Variants in EPB41 observed in about 807,000 individuals in gnomAD.
EPB41 encodes the protein erythrocyte membrane protein band 4.1.
EPB41 carries 65 observed loss-of-function variants against 108.0 expected under a neutral mutation model. The observed-to-expected ratio is 0.60, with a 90% CI of 0.49 to 0.74. EPB41 has a LOEUF of 0.74. Among genes scored for constraint, EPB41 ranks in the 30% least tolerant of loss-of-function variants. The probability of loss-of-function intolerance (pLI) is 0.00; values close to 1 mark genes in which losing one functional copy is unlikely to be tolerated. For synonymous variants in EPB41, 336 were observed against 358.9 expected, an observed-to-expected ratio of 0.94 and a Z score of 0.72; for missense variants, 875 against 1,037.0, an observed-to-expected ratio of 0.84 and a Z score of 2.15.
intron 1 of EPB41, among the ~76,000 whole-genome samples, chr1:28,934,678 GTGTGTGTGT>G: frequency 6.6e-6 from 1 of 150,708 alleles, no homozygotes; most frequent in East Asian, 1.9e-4. Flanking sequence ...GTGTGTGTGT[GTGTGTGTGT>G]GTGTGTGTGT....
In EPB41 at chr1:29,112,835, GT is replaced by G. The variant is rs566192135; in HGVS notation, c.2496+389del. On this transcript the variant is annotated intron_variant, in intron 19 of 20. Coordinates refer to ENST00000343067, the MANE Select transcript of EPB41 (RefSeq NM_001376013.1). Reference sequence around the variant, plus strand: ...CAGCTGGTGGCACATGGTGAGCTCAGTTAAATGGAGCTATTGTTATTCCGAA... The same window carrying G: ...CAGCTGGTGGCACATGGTGAGCTCAGTAAATGGAGCTATTGTTATTCCGAA... Among the ~76,000 whole-genome samples, 14 of 152,280 alleles carry G rather than the reference GT, an allele frequency of 9.2e-5. No individual in the cohort carries two copies. The South Asian group carries it at 2.9e-3, about 32-fold the overall frequency.
At chr1:29,097,975 A>G in intron 17 of EPB41, 40 bp downstream of exon 17, 1 of 1,613,776 alleles carries the variant, frequency 6.2e-7, no homozygotes, top group South Asian at 1.1e-5. Context: ...AAGGCTGCAA[A>G]CAAAATTAAT....
intron 1 of EPB41, among the ~76,000 whole-genome samples, chr1:28,977,210 A>G (rs1471656444): frequency 7.2e-5 from 11 of 152,138 alleles, no homozygotes; most frequent in African/African-American, 2.2e-4. Flanking sequence ...CTAGAATTAA[A>G]TCATCAAACT....
intron 16 of EPB41, chr1:29,070,610 C>G: frequency 8.1e-7 from 1 of 1,232,044 alleles, no homozygotes; most frequent in Non-Finnish European, 1.0e-6. Context: ...GTTGGTCTTT[C>G]TGTGATCAGA....
chr1:29,113,562 C>G, intron 19 of EPB41, among the ~76,000 whole-genome samples: 1 of 152,226 alleles, frequency 6.6e-6, no homozygotes, highest in Non-Finnish European at 1.5e-5. Flanking sequence ...GCTACGTGCT[C>G]AGTCTGCACT....
intron 11 of EPB41, among the ~76,000 whole-genome samples, chr1:29,048,526 G>A (rs1036952450): frequency 1.3e-4 from 20 of 151,942 alleles, no homozygotes; most frequent in Admixed American, 5.3e-4. Flanking sequence ...TTTTCTTTAC[G>A]CTTTTATTGA....
chr1:29,006,165 A>G lies in EPB41; in HGVS notation c.787-5700A>G, dbSNP rs1408505566. Among the ~76,000 whole-genome samples, 5 of 151,490 alleles carry G rather than the reference A, an allele frequency of 3.3e-5. No individual in the cohort carries two copies. The East Asian group carries it at 9.7e-4, about 29-fold the overall frequency. ...AATTGGTTTGCATATATTATTCTCTATTGCCTTACTGCATATTAGCTTAAC... is the reference window on the plus strand; with the variant it reads ...AATTGGTTTGCATATATTATTCTCTGTTGCCTTACTGCATATTAGCTTAAC... On this transcript the variant is annotated intron_variant, in intron 4 of 20. Coordinates refer to ENST00000343067, the MANE Select transcript of EPB41 (RefSeq NM_001376013.1).
At chr1:29,105,013 A>G (rs1051604093) in intron 17 of EPB41, among the ~76,000 whole-genome samples, 2 of 151,780 alleles carry the variant, frequency 1.3e-5, no homozygotes, top group Non-Finnish European at 2.9e-5. Context: ...GTGAGCCACC[A>G]TGCCTAGCAA....
chr1:29,029,368 T>C (rs1345272680), intron 7 of EPB41, among the ~76,000 whole-genome samples: 3 of 152,044 alleles, frequency 2.0e-5, no homozygotes, highest in African/African-American at 7.2e-5. Context: ...GTTGTATACA[T>C]ATTTTGGTGG....
At chr1:29,084,207 T>C (rs1657880022) in intron 16 of EPB41, among the ~76,000 whole-genome samples, 1 of 152,206 alleles carries the variant, frequency 6.6e-6, no homozygotes, top group Admixed American at 6.5e-5. Flanking sequence ...CTTTTACTTA[T>C]CAAAACTTCT....
intron 2 of EPB41, among the ~76,000 whole-genome samples, chr1:28,990,610 G>A (rs79996809): frequency 1.3e-5 from 2 of 151,554 alleles, no homozygotes; most frequent in African/African-American, 4.9e-5. Flanking sequence ...TGGTAGAGAC[G>A]GTCTTGCTTT....
intron 11 of EPB41, among the ~76,000 whole-genome samples, chr1:29,051,908 A>C (rs1328625213): frequency 6.6e-6 from 1 of 152,158 alleles, no homozygotes; most frequent in South Asian, 2.1e-4. Context: ...AAAAAAAAAA[A>C]AAAAGTCTCA....
chr1:28,893,689 C>T (rs41266191), intron 1 of EPB41: 4,102 of 152,420 alleles, frequency 0.027, 86 homozygotes, highest in Non-Finnish European at 0.04. Flanking sequence ...CCTCCTGGCT[C>T]AGGCCCTGGC....
chr1:29,034,959 TTTGTTTGTTTG>T (rs1638816858), intron 9 of EPB41, among the ~76,000 whole-genome samples: 7 of 146,970 alleles, frequency 4.8e-5, no homozygotes, highest in Admixed American at 3.4e-4. Context: ...GTTTCTTGGG[TTTGTTTGTTTG>T]TTGTTTTTTT....
rs116655714 is a variant in EPB41 at position 29,008,379 on chromosome 1, T to A, written c.787-3486T>A. Among the ~76,000 whole-genome samples, 876 of 152,332 alleles carry A rather than the reference T, an allele frequency of 5.8e-3. 2 individuals carry two copies. The highest frequency in any genetic ancestry group is 0.017 in the Middle Eastern group (5 of 294). On this transcript the variant is annotated intron_variant, in intron 4 of 20. Transcript: ENST00000343067. The stretch of plus-strand genomic sequence containing the variant: ...ACTGGCTGTGTGCTTTTAGTATACA[T>A]CAAATAATTTAACCTGCAATAACTC...
chr1:28,962,666 G>T (rs1248097620), intron 1 of EPB41, among the ~76,000 whole-genome samples: 1 of 145,996 alleles, frequency 6.8e-6, no homozygotes, highest in Admixed American at 6.6e-5. Flanking sequence ...ATTTGACTAG[G>T]TTAGAACTTT....
chr1:28,907,629 T>A (rs1002724493), intron 1 of EPB41, among the ~76,000 whole-genome samples: 63 of 152,084 alleles, frequency 4.1e-4, no homozygotes, highest in African/African-American at 1.4e-3. Context: ...TTTTCTTTTT[T>A]GAGACAGGGT....
At chr1:29,034,564 G>T (rs1447077893) in intron 9 of EPB41, among the ~76,000 whole-genome samples, 1 of 152,074 alleles carries the variant, frequency 6.6e-6, no homozygotes, top group Non-Finnish European at 1.5e-5. Flanking sequence ...AGTGTTACTG[G>T]CAATAGTAGG....
intron 1 of EPB41, among the ~76,000 whole-genome samples, chr1:28,975,940 CAAAA>C (rs775554564): frequency 8.9e-5 from 6 of 67,678 alleles, no homozygotes; most frequent in African/African-American, 2.7e-4. Context: ...GACTCCATCT[CAAAA>C]AAAAAAAAAA....
Sources: gnomAD v4.1 joint callset for allele counts (sites outside exome capture counted in the v4.1 genomes callset) on GRCh38, gnomAD v4.1.1 for gene constraint, MANE v1.5 for transcripts, NCBI Gene and HGNC (gene_info 2026-07-23, HGNC 2026-07-21) for gene names.